Variants in HEATR6 observed in about 807,000 individuals in gnomAD.
HEATR6 encodes HEAT repeat containing 6.
Under a neutral mutation model 132.8 loss-of-function variants are expected in HEATR6, and 106 were observed. The ratio of observed to expected loss-of-function variants is 0.80; its 90% CI spans 0.68 to 0.94. The LOEUF (loss-of-function observed/expected upper bound fraction) is 0.94, where lower values mean the gene tolerates loss of function less well. Among genes scored for constraint, HEATR6 ranks in the 40% least tolerant of loss-of-function variants. HEATR6 has a pLI of 0.00. For synonymous variants in HEATR6, 529 were observed against 537.8 expected (o/e 0.98, Z 0.23); for missense variants, 1,339 against 1,425.1 (o/e 0.94, Z 0.97).
chr17:60,055,435 C>A, intron 14 of HEATR6, 80 bp downstream of exon 14: 1 of 875,916 alleles, frequency 1.1e-6, no homozygotes, highest in Non-Finnish European at 1.8e-6. Flanking sequence ...ATATCATCTA[C>A]TCCATTTATC....
rs1244652847 is a variant in HEATR6 at position 60,046,085 on chromosome 17, C to T, written c.2914G>A (p.Val972Ile). 3.7e-6 allele frequency: 6 copies of T among 1,614,126 alleles called. No homozygotes were observed. Among genetic ancestry groups the T allele is most frequent in the Non-Finnish European group, 5.1e-6 (6 of 1,180,000 alleles). The stretch of plus-strand genomic sequence containing the variant: ...ATTGCATAACAAGCATTCCATCGGA[C>T]TTTCATGGCAGCTTCTGTTAGAACA... ...STVLTEAAMK[V>I]RWNACYAMGN... Residue 972 changes from valine (V) to isoleucine (I), a missense_variant, in exon 19 of 20, where the codon GTC becomes ATC. Physicochemically the swap from Val to Ile is conservative, Grantham distance 29. Transcript: ENST00000184956.
chr17:60,072,619 C>T (rs1009360723), intron 4 of HEATR6, among the ~76,000 whole-genome samples: 55 of 152,176 alleles, frequency 3.6e-4, no homozygotes, highest in Middle Eastern at 6.8e-3. Flanking sequence ...CTGTTCAGTC[C>T]TAGGAGGGAA....
chr17:60,043,263 A>AT lies in HEATR6; in HGVS notation c.*299dup, dbSNP rs201186000. 3,308 of 316,318 alleles carry AT rather than the reference A, an allele frequency of 0.01. No homozygotes were observed. Among genetic ancestry groups the AT allele is most frequent in the East Asian group, 0.014 (216 of 15,110 alleles). The allele number at this position is 316,318 out of a possible 1,614,324, so 19.6% of individuals were successfully genotyped here. On this transcript the variant is annotated 3_prime_UTR_variant, in exon 20 of 20. Coordinates refer to ENST00000184956, the MANE Select transcript of HEATR6 (RefSeq NM_022070.5). ...AATTCTAATTCCGAAATCCTTCTAC[A>AT]TTTTTTTTTTCTGAGACTAAATGCC...
chr17:60,066,396 C>G lies in HEATR6; in HGVS notation c.1239-10G>C, dbSNP rs1286390672. ...TTTAGCTTGGTAAGACCTTTCATAACCAAGAGAAAAAAGAAAAAACACTTA... is the reference window on the plus strand; with the variant it reads ...TTTAGCTTGGTAAGACCTTTCATAAGCAAGAGAAAAAAGAAAAAACACTTA... On this transcript the variant is annotated splice_polypyrimidine_tract_variant and intron_variant, in intron 8 of 19. Coordinates refer to ENST00000184956, the MANE Select transcript of HEATR6 (RefSeq NM_022070.5). 6.5e-7 allele frequency: 1 copy of G among 1,533,430 alleles called. No individual in the cohort carries two copies. Among genetic ancestry groups the G allele is most frequent in the Middle Eastern group, 1.7e-4 (1 of 5,718 alleles). The allele number at this position is 1,533,430 out of a possible 1,614,324, so 95.0% of individuals were successfully genotyped here.
chr17:60,068,431 A>C (rs566433718), intron 7 of HEATR6, among the ~76,000 whole-genome samples: 1 of 151,574 alleles, frequency 6.6e-6, no homozygotes, highest in East Asian at 1.9e-4. Context: ...TGGACTACTT[A>C]TTGTGGCCCC....
chr17:60,049,001 T>C (rs980991654), intron 16 of HEATR6, among the ~76,000 whole-genome samples: 4 of 131,230 alleles, frequency 3.0e-5, no homozygotes, highest in Non-Finnish European at 4.8e-5. Flanking sequence ...TATATATATA[T>C]ATATATATAT....
Position 60,042,972 on chromosome 17 carries a change from T to TCAG in HEATR6, c.*588_*590dup, listed in dbSNP as rs919398662. 8.0e-5 allele frequency: 10 copies of TCAG among 125,580 alleles called. 2 individuals are homozygous for TCAG. Among genetic ancestry groups the TCAG allele is most frequent in the South Asian group, 1.4e-4 (1 of 6,958 alleles). 7.8% of individuals were successfully genotyped at this position (125,580 alleles called of 1,614,324 possible). A position where few individuals can be genotyped will look rare whatever the true frequency, so the allele number is the denominator to read the frequency against. Reference sequence around the variant, plus strand: ...CGTCCTGTGTGGCTGTGAGGCACTGTCAGCATCCTCGCGTCCTGTGTGGCT... The same window carrying TCAG: ...CGTCCTGTGTGGCTGTGAGGCACTGTCAGCAGCATCCTCGCGTCCTGTGTGGCT... On this transcript the variant is annotated 3_prime_UTR_variant, in exon 20 of 20. Coordinates refer to ENST00000184956, the MANE Select transcript of HEATR6 (RefSeq NM_022070.5).
chr17:60,046,460 C>T (rs1219115224), intron 18 of HEATR6, among the ~76,000 whole-genome samples: 2 of 152,122 alleles, frequency 1.3e-5, no homozygotes, highest in African/African-American at 2.4e-5. Flanking sequence ...GACAGGACCT[C>T]AGAGAGGTCC....
intron 7 of HEATR6, 146 bp downstream of exon 7, chr17:60,069,565 G>A (rs1191529642): frequency 2.8e-6 from 2 of 715,528 alleles, no homozygotes; most frequent in South Asian, 1.9e-5. Flanking sequence ...CATCAGATGA[G>A]TTTAAATTTA....
chr17:60,055,671 C>T (rs1478136535), intron 13 of HEATR6, 70 bp from the exon 14 acceptor site: 2 of 1,043,970 alleles, frequency 1.9e-6, no homozygotes, highest in Non-Finnish European at 2.9e-6. Flanking sequence ...GTAACACCTT[C>T]ACTCTAGTAA....
intron 16 of HEATR6, 118 bp downstream of exon 16, chr17:60,049,462 C>A: frequency 8.7e-7 from 1 of 1,152,606 alleles, no homozygotes; most frequent in Non-Finnish European, 1.2e-6. Flanking sequence ...TTACAGATAT[C>A]AGATTACAAA....
rs1311850107 is a variant in HEATR6 at position 60,049,000 on chromosome 17, A to G, written c.2547+580T>C. Among the ~76,000 whole-genome samples, 731 of 130,530 alleles carry G rather than the reference A, an allele frequency of 5.6e-3. 28 individuals carry two copies. Among genetic ancestry groups the G allele is most frequent in the African/African-American group, 0.021 (684 of 33,110 alleles). The allele number at this position is 130,530 out of a possible 152,430, so 85.6% of individuals were successfully genotyped here. On this transcript the variant is annotated intron_variant, in intron 16 of 19. Coordinates refer to ENST00000184956, the MANE Select transcript of HEATR6 (RefSeq NM_022070.5). ...ATATATATAATATATATATATATATATATATATATATATATATATGGTAAT... is the reference window on the plus strand; with the variant it reads ...ATATATATAATATATATATATATATGTATATATATATATATATATGGTAAT...
chr17:60,071,154 T>C (rs1285392638), intron 5 of HEATR6, among the ~76,000 whole-genome samples: 1 of 152,150 alleles, frequency 6.6e-6, no homozygotes, highest in Non-Finnish European at 1.5e-5. Context: ...TTGGGAAAGC[T>C]CTGTAATATG....
intron 9 of HEATR6, among the ~76,000 whole-genome samples, chr17:60,065,305 T>C (rs2083234803): frequency 6.6e-6 from 1 of 152,236 alleles, no homozygotes. Context: ...AATTTTCTTA[T>C]ATAGTAAGTT....
chr17:60,055,542 T>A lies in HEATR6; in HGVS notation c.2262A>T (p.Ala754=). The A allele has an allele frequency of 6.2e-7, 1 of 1,612,896 alleles. No individual in the cohort carries two copies. The highest frequency in any genetic ancestry group is 8.5e-7 in the Non-Finnish European group (1 of 1,179,340). Residue 754 remains alanine, a synonymous_variant, in exon 14 of 20, where the codon GCA becomes GCT. Transcript: ENST00000184956. ...IQQYKPDSTA[A]PDQRAPVFLV... Reference sequence around the variant, plus strand: ...AGAAGACTGGTGCTCTCTGATCAGGTGCTGCAGTGGAGTCTGGTTTATACT... The same window carrying A: ...AGAAGACTGGTGCTCTCTGATCAGGAGCTGCAGTGGAGTCTGGTTTATACT...
At chr17:60,078,664 C>T in intron 1 of HEATR6, 32 bp downstream of exon 1, 1 of 1,509,060 alleles carries the variant, frequency 6.6e-7, no homozygotes, top group South Asian at 1.2e-5. Context: ...GGGGTGGGGC[C>T]GGGGCCGGGG....
chr17:60,044,549 C>T (rs1481057008), intron 19 of HEATR6, among the ~76,000 whole-genome samples: 2 of 152,244 alleles, frequency 1.3e-5, no homozygotes, highest in Non-Finnish European at 2.9e-5. Flanking sequence ...ACTGCATGCT[C>T]ACCTGCAACA....
chr17:60,078,917 T>G lies in HEATR6; in HGVS notation c.-3A>C. The G allele has an allele frequency of 3.7e-6, 1 of 272,036 alleles. No homozygotes were observed. Among genetic ancestry groups the G allele is most frequent in the Non-Finnish European group, 6.7e-6 (1 of 150,236 alleles). 16.9% of individuals were successfully genotyped at this position (272,036 alleles called of 1,614,324 possible). On this transcript the variant is annotated 5_prime_UTR_variant, in exon 1 of 20. Coordinates refer to ENST00000184956, the MANE Select transcript of HEATR6 (RefSeq NM_022070.5). ...CCGACAACTTGCACAGCAGCCATCT[T>G]TTCTACGGGCGGGGGGGGTGGGTGG...
chr17:60,044,580 C>T (rs1195948568), intron 19 of HEATR6, among the ~76,000 whole-genome samples: 1 of 152,202 alleles, frequency 6.6e-6, no homozygotes, highest in African/African-American at 2.4e-5. Context: ...ACTGCTCTGG[C>T]CATAGCCAGT....
Sources: gnomAD v4.1 joint callset for allele counts (sites outside exome capture counted in the v4.1 genomes callset) on GRCh38, gnomAD v4.1.1 for gene constraint, MANE v1.5 for transcripts, NCBI Gene and HGNC (gene_info 2026-07-23, HGNC 2026-07-21) for gene names.